The following TMEM116 variants were observed in gnomAD, a reference collection of about 807,000 sequenced individuals.
TMEM116 encodes the protein transmembrane protein 116.
In TMEM116, 38 loss-of-function variants were observed where a neutral mutation model predicts 44.3. That is an observed-to-expected ratio of 0.86 (90% CI 0.66 to 1.12). TMEM116 has a LOEUF of 1.12. Ranked by LOEUF, TMEM116 falls within the 50% of genes most tolerant of loss-of-function variation. The pLI, the probability that TMEM116 is intolerant of heterozygous loss-of-function variation, is 0.00. For missense variants in TMEM116, 354 were observed against 401.7 expected, an observed-to-expected ratio of 0.88 and a Z score of 1.01; for synonymous variants, 132 against 144.8, an observed-to-expected ratio of 0.91 and a Z score of 0.64.
chr12:111,942,429 C>T (rs1432203817), intron 5 of TMEM116, among the ~76,000 whole-genome samples: 4 of 152,046 alleles, frequency 2.6e-5, no homozygotes, highest in African/African-American at 7.2e-5. Context: ...CCCGCCACCA[C>T]GTCTGGCTAA....
chr12:111,988,129 CAT>C lies in TMEM116; in HGVS notation c.210+3627_210+3628del, dbSNP rs563386118. On this transcript the variant is annotated intron_variant, in intron 4 of 10. Transcript: ENST00000552374. ...ACGAGGTACCTAGAGTAGTTGAATTCATAGAGACAGAAAGTAGAACAGTGGTT... is the reference window on the plus strand; with the variant it reads ...ACGAGGTACCTAGAGTAGTTGAATTCAGAGACAGAAAGTAGAACAGTGGTT... Among the ~76,000 whole-genome samples, 37 of 152,158 alleles carry C rather than the reference CAT, an allele frequency of 2.4e-4. No homozygotes were observed. The East Asian group carries it at 6.4e-3, about 26-fold the overall frequency.
chr12:111,940,155 C>T (rs1464102723), intron 5 of TMEM116, among the ~76,000 whole-genome samples: 1 of 151,740 alleles, frequency 6.6e-6, no homozygotes, highest in Admixed American at 6.6e-5. Flanking sequence ...CACCTGTAGT[C>T]CCAGCTCCTC....
Position 111,931,699 on chromosome 12 carries a change from C to T in TMEM116, c.936G>A (p.Gln312=). 1 of 1,614,048 alleles carries T rather than the reference C, an allele frequency of 6.2e-7. No homozygotes were observed. The highest frequency in any genetic ancestry group is 2.2e-5 in the East Asian group (1 of 44,886). Reference sequence around the variant, plus strand: ...TTAAGCCCCTGCTATAGAATCTCTTCTGTGAGCATAATAATGGTGTCTGGG... The same window carrying T: ...TTAAGCCCCTGCTATAGAATCTCTTTTGTGAGCATAATAATGGTGTCTGGG... ...ADTQTPLLCS[Q]KRFYSRGLNS... is the part of the protein sequence containing the mutation. The change falls in exon 11 of 11, where the codon CAG becomes CAA. Residue 312 remains glutamine, a synonymous_variant. Transcript: ENST00000552374.
chr12:112,001,890 T>G (rs2077279479), intron 3 of TMEM116, among the ~76,000 whole-genome samples: 1 of 152,204 alleles, frequency 6.6e-6, no homozygotes, highest in African/African-American at 2.4e-5. Context: ...ATTTTGGTGG[T>G]TTAAAAGTGT....
intron 4 of TMEM116, among the ~76,000 whole-genome samples, chr12:111,987,497 T>G (rs575668833): frequency 6.7e-6 from 1 of 150,030 alleles, no homozygotes; most frequent in Non-Finnish European, 1.5e-5. Context: ...AAAGTGAGAC[T>G]TTGTCCCCCC....
At chr12:111,936,387 TA>T in intron 8 of TMEM116, 1 of 225,792 alleles carries the variant, frequency 4.4e-6, no homozygotes, top group East Asian at 9.2e-5. Flanking sequence ...CCTAACTATG[TA>T]AAGGATATAT....
intron 5 of TMEM116, among the ~76,000 whole-genome samples, chr12:111,941,413 C>T (rs907130390): frequency 6.6e-6 from 1 of 150,548 alleles, no homozygotes; most frequent in African/African-American, 2.4e-5. Context: ...GTATGGAATA[C>T]CCAGAGGTAA....
chr12:111,956,707 G>C (rs1350212465), intron 4 of TMEM116, among the ~76,000 whole-genome samples: 1 of 152,186 alleles, frequency 6.6e-6, no homozygotes, highest in Non-Finnish European at 1.5e-5. Context: ...TGGAGACGGG[G>C]TTTCGCCGTG....
At chr12:111,990,924 T>G (rs571628033) in intron 4 of TMEM116, among the ~76,000 whole-genome samples, 1 of 152,110 alleles carries the variant, frequency 6.6e-6, no homozygotes, top group African/African-American at 2.4e-5. Context: ...AAACAGGTTA[T>G]AAAAAGTATT....
intron 4 of TMEM116, among the ~76,000 whole-genome samples, chr12:111,984,404 T>C (rs1337927950): frequency 6.6e-6 from 1 of 152,014 alleles, no homozygotes; most frequent in African/African-American, 2.4e-5. Flanking sequence ...AGTAGGAGGA[T>C]GGTACCAGAA....
intron 9 of TMEM116, 31 bp from the exon 10 acceptor site, chr12:111,932,690 T>C (rs2071760212): frequency 6.3e-7 from 1 of 1,585,640 alleles, no homozygotes; most frequent in African/African-American, 1.3e-5. Flanking sequence ...AACCTTCTTG[T>C]CAGCCCTGAC....
At chr12:112,003,567 CA>C (rs374296039) in intron 3 of TMEM116, 51,339 of 274,206 alleles carry the variant, frequency 0.19, 31 homozygotes, top group South Asian at 0.26. Context: ...GACTCCGTCT[CA>C]AAAAAAAAAA....
chr12:111,964,526 A>G (rs140584237), intron 4 of TMEM116, among the ~76,000 whole-genome samples: 72 of 152,168 alleles, frequency 4.7e-4, no homozygotes, highest in Admixed American at 1.8e-3. Context: ...GACTCTAAGA[A>G]TTTATTCTCA....
chr12:111,986,786 G>C (rs1237564529), intron 4 of TMEM116, among the ~76,000 whole-genome samples: 1 of 152,108 alleles, frequency 6.6e-6, no homozygotes, highest in Non-Finnish European at 1.5e-5. Context: ...TCCAGCCTGG[G>C]TAACAGAGCA....
Position 111,991,740 on chromosome 12 carries a change from C to T in TMEM116, c.210+18G>A. The T allele has an allele frequency of 6.5e-7, 1 of 1,532,694 alleles. No homozygotes were observed. The highest frequency in any genetic ancestry group is 8.7e-7 in the Non-Finnish European group (1 of 1,144,894). 94.9% of individuals were successfully genotyped at this position (1,532,694 alleles called of 1,614,324 possible). A position where few individuals can be genotyped will look rare whatever the true frequency, so the allele number is the denominator to read the frequency against. On this transcript the variant is annotated intron_variant, in intron 4 of 10. Coordinates refer to ENST00000552374, the MANE Select transcript of TMEM116 (RefSeq NM_001193531.2). ...GTGCCTTTCTTGCAAGGTGCAGTGA[C>T]AGTCTTGTAGCACTCACCTGTCCAA...
chr12:111,983,304 C>T (rs1227166301), intron 4 of TMEM116, among the ~76,000 whole-genome samples: 1 of 152,006 alleles, frequency 6.6e-6, no homozygotes, highest in African/African-American at 2.4e-5. Context: ...GGCATGGTGG[C>T]GTATGCCTGT....
Position 111,931,889 on chromosome 12 carries a change from T to C in TMEM116, c.808-62A>G. On this transcript the variant is annotated intron_variant, in intron 10 of 10. Coordinates refer to ENST00000552374, the MANE Select transcript of TMEM116 (RefSeq NM_001193531.2). ...AGGTTTTCAGGGATCCAGGGAATAATTCTCACTCCCCTTATTCATAAAGCA... is the reference window on the plus strand; with the variant it reads ...AGGTTTTCAGGGATCCAGGGAATAACTCTCACTCCCCTTATTCATAAAGCA... 4.5e-6 allele frequency: 5 copies of C among 1,108,118 alleles called. No homozygotes were observed. The South Asian group carries it at 8.3e-5, about 18-fold the overall frequency. The allele number at this position is 1,108,118 out of a possible 1,614,324, so 68.6% of individuals were successfully genotyped here.
In TMEM116 at chr12:112,013,156, G is replaced by C. The variant is rs1200040655; in HGVS notation, c.-188C>G. On this transcript the variant is annotated 5_prime_UTR_variant, in exon 1 of 11. Coordinates refer to ENST00000552374, the MANE Select transcript of TMEM116 (RefSeq NM_001193531.2). ...TGGCGCTTCTCCTCAAGCGGAGCAG[G>C]AACGGAACTGGGCGGACCCGCCGGA... The C allele has an allele frequency of 5.7e-6, 2 of 353,602 alleles. No homozygotes were observed. Among genetic ancestry groups the C allele is most frequent in the Admixed American group, 9.5e-5 (2 of 20,970 alleles). The allele number at this position is 353,602 out of a possible 1,614,324, so 21.9% of individuals were successfully genotyped here. A position where few individuals can be genotyped will look rare whatever the true frequency, so the allele number is the denominator to read the frequency against.
At chr12:111,967,699 C>T (rs2075060489) in intron 4 of TMEM116, among the ~76,000 whole-genome samples, 1 of 151,928 alleles carries the variant, frequency 6.6e-6, no homozygotes, top group East Asian at 1.9e-4. Context: ...CTAATGATCC[C>T]TACATAGGTG....
Sources: allele counts gnomAD v4.1 joint callset (sites outside exome capture counted in the v4.1 genomes callset), GRCh38; gene constraint gnomAD v4.1.1; transcripts MANE v1.5; gene names NCBI Gene and HGNC (gene_info 2026-07-23, HGNC 2026-07-21).